Variants in SUSD1 observed in about 807,000 individuals in gnomAD.
The protein encoded by SUSD1 is sushi domain containing 1.
In SUSD1, 65 loss-of-function variants were observed where a neutral mutation model predicts 86.9. That is an observed-to-expected ratio of 0.75 (90% CI 0.61 to 0.92). SUSD1 has a LOEUF of 0.92. SUSD1 is among the 40% of genes least tolerant of loss of function. SUSD1 has a pLI of 0.00. For missense variants in SUSD1, 850 were observed against 929.7 expected, an observed-to-expected ratio of 0.91 and a Z score of 1.11; for synonymous variants, 346 against 350.0, an observed-to-expected ratio of 0.99 and a Z score of 0.13.
rs186703642 is a variant in SUSD1 at position 112,141,841 on chromosome 9, G to T, written c.706+479C>A. On this transcript the variant is annotated intron_variant, in intron 5 of 16. Coordinates refer to ENST00000374270, the MANE Select transcript of SUSD1 (RefSeq NM_022486.5). ...ATAATATATGTTATTCCCACATGACGTTTTTATATATATATGTATATATAT... is the reference window on the plus strand; with the variant it reads ...ATAATATATGTTATTCCCACATGACTTTTTTATATATATATGTATATATAT... Among the ~76,000 whole-genome samples, 80 of 136,898 alleles carry T rather than the reference G, an allele frequency of 5.8e-4. No individual in the cohort carries two copies. In the East Asian group the frequency reaches 0.011, roughly 19 times the overall value. 89.8% of individuals were successfully genotyped at this position (136,898 alleles called of 152,430 possible). A position where few individuals can be genotyped will look rare whatever the true frequency, so the allele number is the denominator to read the frequency against.
chr9:112,063,066 T>G, intron 12 of SUSD1, 33 bp from the exon 13 acceptor site: 1 of 1,384,758 alleles, frequency 7.2e-7, no homozygotes, highest in Non-Finnish European at 1.0e-6. Flanking sequence ...AAAAGGGGTA[T>G]GATTGGAACA....
chr9:112,088,378 CAACTGAAA>C (rs1395944926), intron 10 of SUSD1, among the ~76,000 whole-genome samples: 1 of 151,966 alleles, frequency 6.6e-6, no homozygotes, highest in Non-Finnish European at 1.5e-5. Context: ...AGAAATAATG[CAACTGAAA>C]AACTGAGAGG....
chr9:112,073,816 C>T (rs1290721341), intron 12 of SUSD1, among the ~76,000 whole-genome samples: 1 of 151,984 alleles, frequency 6.6e-6, no homozygotes, highest in Non-Finnish European at 1.5e-5. Context: ...TCGCTTGAAC[C>T]TGGGAGGCAG....
At chr9:112,066,654 T>G (rs769844203) in intron 12 of SUSD1, among the ~76,000 whole-genome samples, 8 of 152,274 alleles carry the variant, frequency 5.3e-5, no homozygotes, top group Non-Finnish European at 1.0e-4. Context: ...TCCGTACGTG[T>G]TGTCTTTTCA....
intron 10 of SUSD1, among the ~76,000 whole-genome samples, chr9:112,094,086 G>T (rs1283009520): frequency 2.6e-5 from 4 of 151,304 alleles, no homozygotes; most frequent in African/African-American, 9.8e-5. Flanking sequence ...TGCTAGAAAT[G>T]AAAATTTGCT....
chr9:112,060,959 A>G (rs577304482), intron 13 of SUSD1, among the ~76,000 whole-genome samples: 13 of 152,340 alleles, frequency 8.5e-5, no homozygotes, highest in Admixed American at 2.6e-4. Flanking sequence ...AGTATGAATC[A>G]GCTCCCCAAT....
chr9:112,134,414 C>T (rs1436267999), intron 5 of SUSD1, among the ~76,000 whole-genome samples: 1 of 152,198 alleles, frequency 6.6e-6, no homozygotes, highest in African/African-American at 2.4e-5. Context: ...TTTGCAGCAA[C>T]ATGGATGCAG....
rs762280313 is a variant in SUSD1 at position 112,102,170 on chromosome 9, C to T, written c.1281+6G>A. 2 of 1,523,122 alleles carry T rather than the reference C, an allele frequency of 1.3e-6. No individual in the cohort carries two copies. The highest frequency in any genetic ancestry group is 1.8e-6 in the Non-Finnish European group (2 of 1,123,788). 94.4% of individuals were successfully genotyped at this position (1,523,122 alleles called of 1,614,324 possible). On this transcript the variant is annotated splice_donor_region_variant and intron_variant, in intron 9 of 16. Coordinates refer to ENST00000374270, the MANE Select transcript of SUSD1 (RefSeq NM_022486.5). Reference sequence around the variant, plus strand: ...CTTTAATGGAAAGCATAAGAGATCTCCTTACTTGGTACATGTGTTCTGATC... The same window carrying T: ...CTTTAATGGAAAGCATAAGAGATCTTCTTACTTGGTACATGTGTTCTGATC...
At chr9:112,101,156 G>C (rs1258509588) in intron 9 of SUSD1, among the ~76,000 whole-genome samples, 2 of 152,008 alleles carry the variant, frequency 1.3e-5, no homozygotes, top group Non-Finnish European at 2.9e-5. Flanking sequence ...GAGGTCAGGA[G>C]TTTGAGACCA....
intron 12 of SUSD1, among the ~76,000 whole-genome samples, chr9:112,074,843 T>C (rs1295164315): frequency 6.6e-6 from 1 of 152,030 alleles, no homozygotes; most frequent in Non-Finnish European, 1.5e-5. Flanking sequence ...ACTTGATTTT[T>C]TTATGCTTCT....
chr9:112,085,266 C>T (rs924005649), intron 10 of SUSD1, among the ~76,000 whole-genome samples: 8 of 152,032 alleles, frequency 5.3e-5, no homozygotes, highest in Admixed American at 5.2e-4. Context: ...GAAGTTATGG[C>T]CTATGTAAGT....
chr9:112,063,163 G>T, intron 12 of SUSD1, 130 bp from the exon 13 acceptor site: 1 of 516,300 alleles, frequency 1.9e-6, no homozygotes. Flanking sequence ...TTCTGTACAT[G>T]CCACAATGTG....
intron 7 of SUSD1, 124 bp from the exon 8 acceptor site, chr9:112,111,964 C>A (rs951338022): frequency 1.8e-5 from 18 of 981,540 alleles, no homozygotes; most frequent in Non-Finnish European, 1.9e-5. Context: ...AGGGAGCATT[C>A]GTAAGGTAAA....
chr9:112,116,390 T>A (rs1011633454), intron 6 of SUSD1, among the ~76,000 whole-genome samples: 11 of 152,246 alleles, frequency 7.2e-5, no homozygotes, highest in African/African-American at 2.7e-4. Context: ...GACTCCTTTA[T>A]AAAAGAATCA....
At chr9:112,056,564 T>C (rs1201568797) in intron 14 of SUSD1, among the ~76,000 whole-genome samples, 4 of 152,220 alleles carry the variant, frequency 2.6e-5, no homozygotes, top group African/African-American at 9.7e-5. Context: ...CATCGCAATT[T>C]AAATATGTAG....
At chr9:112,064,046 T>TTTTTTTTTTTTTTTTTTTTTTTGG (rs1491139474) in intron 12 of SUSD1, among the ~76,000 whole-genome samples, 1 of 78,654 alleles carries the variant, frequency 1.3e-5, no homozygotes, top group African/African-American at 4.0e-5. Flanking sequence ...TTTCTTTTTT[T>TTTTTTTTTTTTTTTTTTTTTTTGG]GGGGGGGGGG....
At chr9:112,116,504 C>G (rs1460495896) in intron 6 of SUSD1, among the ~76,000 whole-genome samples, 1 of 152,258 alleles carries the variant, frequency 6.6e-6, no homozygotes, top group Non-Finnish European at 1.5e-5. Context: ...CTCTTTGGAG[C>G]TGTCCCAGGG....
chr9:112,078,698 A>G lies in SUSD1; in HGVS notation c.1593T>C (p.Tyr531=). ...TCATTTCCTGGGCAAATTCCTTCTG[A>G]TACCATCTCTGGCCCCAAATGTGGA... ...YLFHIWGQRW[Y]QKEFAQEMTF... The change falls in exon 12 of 17, where the codon TAT becomes TAC. Residue 531 remains tyrosine, a synonymous_variant. Transcript: ENST00000374270. The G allele has an allele frequency of 6.2e-7, 1 of 1,613,394 alleles. No homozygotes were observed. The highest frequency in any genetic ancestry group is 8.5e-7 in the Non-Finnish European group (1 of 1,179,518).
At chr9:112,174,923 CG>C (rs1032472258) in intron 1 of SUSD1, among the ~76,000 whole-genome samples, 111 of 151,342 alleles carry the variant, frequency 7.3e-4, no homozygotes, top group African/African-American at 2.7e-3. Flanking sequence ...CGGGGTCGGG[CG>C]GGGGCAGGGA....
Sources: allele counts gnomAD v4.1 joint callset (sites outside exome capture counted in the v4.1 genomes callset), GRCh38; gene constraint gnomAD v4.1.1; transcripts MANE v1.5; gene names NCBI Gene and HGNC (gene_info 2026-07-23, HGNC 2026-07-21).